EYS: variants seen among roughly 807,000 people sequenced by gnomAD.
EYS encodes protein eyes shut homolog.
In EYS, 250 loss-of-function variants were observed where a neutral mutation model predicts 282.1. The observed-to-expected ratio is 0.89, with a 90% CI of 0.80 to 0.98. EYS has a LOEUF of 0.98. EYS is among the 50% of genes least tolerant of loss of function. The pLI, the probability that EYS is intolerant of heterozygous loss-of-function variation, is 0.00. For missense variants in EYS, 4,016 were observed against 3,709.0 expected, an observed-to-expected ratio of 1.08 and a Z score of -2.15; for synonymous variants, 1,355 against 1,282.9, an observed-to-expected ratio of 1.06 and a Z score of -1.20.
chr6:64,297,701 G>A (rs578176118), intron 30 of EYS, among the ~76,000 whole-genome samples: 1 of 152,114 alleles, frequency 6.6e-6, no homozygotes, highest in East Asian at 1.9e-4. Context: ...GATAGAGCTG[G>A]GTGTGATGGC....
intron 26 of EYS, among the ~76,000 whole-genome samples, chr6:64,574,555 C>CCAAAT (rs1195373239): frequency 3.3e-5 from 5 of 152,016 alleles, no homozygotes; most frequent in Non-Finnish European, 7.4e-5. Flanking sequence ...AAGATTTGCT[C>CCAAAT]CAAAGCTACC....
At chr6:65,287,020 T>G (rs972422664) in intron 12 of EYS, among the ~76,000 whole-genome samples, 10 of 151,516 alleles carry the variant, frequency 6.6e-5, no homozygotes, top group Non-Finnish European at 1.3e-4. Flanking sequence ...CACCTTATAT[T>G]AATATATTGG....
chr6:65,589,164 C>G (rs1034694285), intron 2 of EYS, among the ~76,000 whole-genome samples: 1 of 151,916 alleles, frequency 6.6e-6, no homozygotes, highest in African/African-American at 2.4e-5. Flanking sequence ...AGTCACTATC[C>G]CTGAATGGAA....
At chr6:64,617,019 C>T (rs1408874775) in intron 24 of EYS, among the ~76,000 whole-genome samples, 1 of 152,106 alleles carries the variant, frequency 6.6e-6, no homozygotes, top group Non-Finnish European at 1.5e-5. Context: ...CCTCCTCGGA[C>T]ATACAATATG....
chr6:65,093,817 A>G (rs1774643368), intron 12 of EYS, among the ~76,000 whole-genome samples: 1 of 151,776 alleles, frequency 6.6e-6, no homozygotes, highest in South Asian at 2.1e-4. Context: ...AAACTTCACA[A>G]TTGAAATACA....
At chr6:65,572,116 T>C (rs1764499929) in intron 2 of EYS, among the ~76,000 whole-genome samples, 1 of 152,064 alleles carries the variant, frequency 6.6e-6, no homozygotes, top group South Asian at 2.1e-4. Context: ...TCCTTTTAAA[T>C]CAATTCATGA....
intron 2 of EYS, among the ~76,000 whole-genome samples, chr6:65,508,881 G>A (rs1766759765): frequency 6.6e-6 from 1 of 151,956 alleles, no homozygotes; most frequent in Admixed American, 6.6e-5. Context: ...CCCACTCCCT[G>A]GATCCCACAG....
chr6:64,641,240 AAG>A, intron 22 of EYS, among the ~76,000 whole-genome samples: 1 of 152,310 alleles, frequency 6.6e-6, no homozygotes, highest in Middle Eastern at 3.4e-3. Context: ...GCAGCAGGCA[AAG>A]AGAGAGTTTG....
At chr6:65,319,433 A>G (rs146978108) in intron 11 of EYS, among the ~76,000 whole-genome samples, 4,323 of 151,864 alleles carry the variant, frequency 0.028, 120 homozygotes, top group Non-Finnish European at 0.038. Flanking sequence ...CTATTTTAGC[A>G]AAACATGGGT....
In EYS at chr6:65,677,569, T is replaced by G. The variant is rs547003827; in HGVS notation, c.-448+29566A>C. Among the ~76,000 whole-genome samples the G allele has an allele frequency of 8.6e-5, 13 of 152,034 alleles. No homozygotes were observed. The East Asian group carries it at 2.3e-3, about 27-fold the overall frequency. ...AGAAATTAAAGGAGACACAAATAAA[T>G]GGAAAGATATCCTGTATAAATATTG... On this transcript the variant is annotated intron_variant, in intron 1 of 42. Transcript: ENST00000503581.
At chr6:64,179,540 C>T (rs958641663) in intron 31 of EYS, among the ~76,000 whole-genome samples, 2 of 151,964 alleles carry the variant, frequency 1.3e-5, no homozygotes, top group Non-Finnish European at 2.9e-5. Flanking sequence ...TAATCAAGCA[C>T]AGTAAGAGGC....
At chr6:65,012,871 T>G (rs888555870) in intron 13 of EYS, among the ~76,000 whole-genome samples, 3 of 27,370 alleles carry the variant, frequency 1.1e-4, no homozygotes, top group African/African-American at 3.0e-4. Flanking sequence ...AAAATTTCCT[T>G]CAATAAAAAA....
At chr6:64,035,872 C>T (rs1426371173) in intron 33 of EYS, among the ~76,000 whole-genome samples, 3 of 152,124 alleles carry the variant, frequency 2.0e-5, no homozygotes, top group African/African-American at 7.2e-5. Flanking sequence ...TATAAGTTCT[C>T]AGAGATTCAC....
At chr6:64,474,488 A>T (rs570193131) in intron 26 of EYS, among the ~76,000 whole-genome samples, 73 of 152,204 alleles carry the variant, frequency 4.8e-4, no homozygotes, top group Non-Finnish European at 8.7e-4. Flanking sequence ...CATTTTAAAA[A>T]CAACTCTTCA....
Position 65,190,066 on chromosome 6 carries a change from A to G in EYS, c.2023+105797T>C, listed in dbSNP as rs1765605045. ...TTGCAAGAACTTCCTTTAAAGTACT[A>G]TTAATAATATAGAGAAAAATGAGAA... On this transcript the variant is annotated intron_variant, in intron 12 of 42. Coordinates refer to ENST00000503581, the MANE Select transcript of EYS (RefSeq NM_001142800.2). Among the ~76,000 whole-genome samples the G allele has an allele frequency of 4.0e-5, 6 of 151,548 alleles. No homozygotes were observed. The South Asian group carries it at 1.2e-3, about 31-fold the overall frequency.
At chr6:64,699,618 G>C (rs1209046831) in intron 22 of EYS, among the ~76,000 whole-genome samples, 1 of 151,874 alleles carries the variant, frequency 6.6e-6, no homozygotes, top group East Asian at 1.9e-4. Flanking sequence ...AAATTTCTGG[G>C]AACATACAAC....
At chr6:64,610,801 T>G (rs1037957125) in intron 24 of EYS, among the ~76,000 whole-genome samples, 64 of 152,200 alleles carry the variant, frequency 4.2e-4, no homozygotes, top group African/African-American at 1.5e-3. Context: ...TTAAACTACA[T>G]TTTTCATTAT....
At chr6:65,631,879 A>G (rs1766926783) in intron 2 of EYS, among the ~76,000 whole-genome samples, 1 of 152,208 alleles carries the variant, frequency 6.6e-6, no homozygotes, top group Non-Finnish European at 1.5e-5. Context: ...GAATGGAAAG[A>G]AAGGTTATAA....
At chr6:65,682,931 G>A (rs1460834762) in intron 1 of EYS, among the ~76,000 whole-genome samples, 1 of 151,930 alleles carries the variant, frequency 6.6e-6, no homozygotes, top group Non-Finnish European at 1.5e-5. Flanking sequence ...AGAAAGGAAA[G>A]TTTAGGCCAC....
Sources: gnomAD v4.1 joint callset for allele counts (sites outside exome capture counted in the v4.1 genomes callset) on GRCh38, gnomAD v4.1.1 for gene constraint, MANE v1.5 for transcripts, NCBI Gene and HGNC (gene_info 2026-07-23, HGNC 2026-07-21) for gene names.